The following CNTNAP2 variants were observed in gnomAD, a reference collection of about 807,000 sequenced individuals.
CNTNAP2 encodes the protein contactin associated protein 2.
CNTNAP2 carries 98 observed loss-of-function variants against 155.2 expected under a neutral mutation model. The ratio of observed to expected loss-of-function variants is 0.63; its 90% CI spans 0.54 to 0.75. The LOEUF is 0.75. Among genes scored for constraint, CNTNAP2 ranks in the 30% least tolerant of loss-of-function variants. The pLI is 0.00. For synonymous variants in CNTNAP2, 651 were observed against 631.2 expected (o/e 1.03, Z -0.47); for missense variants, 1,727 against 1,688.1 (o/e 1.02, Z -0.40).
At chr7:147,182,666 T>C (rs1464094571) in intron 8 of CNTNAP2, among the ~76,000 whole-genome samples, 1 of 152,122 alleles carries the variant, frequency 6.6e-6, no homozygotes, top group East Asian at 1.9e-4. Flanking sequence ...ATTAGGAAGT[T>C]TGCTAATCTT....
chr7:148,173,165 C>CAT (rs145288119), intron 18 of CNTNAP2, among the ~76,000 whole-genome samples: 4,760 of 152,282 alleles, frequency 0.031, 222 homozygotes, highest in African/African-American at 0.1. Flanking sequence ...GAGCCCAATG[C>CAT]ATATGCATGT....
chr7:147,172,277 T>A (rs1802244740), intron 8 of CNTNAP2, among the ~76,000 whole-genome samples: 1 of 152,186 alleles, frequency 6.6e-6, no homozygotes, highest in Non-Finnish European at 1.5e-5. Flanking sequence ...AAAGGTTACC[T>A]AAATCACATT....
intron 1 of CNTNAP2, among the ~76,000 whole-genome samples, chr7:146,654,043 C>T (rs1475162343): frequency 1.3e-5 from 2 of 151,934 alleles, no homozygotes; most frequent in Non-Finnish European, 2.9e-5. Flanking sequence ...TTACATATTC[C>T]ATAGAAACTG....
At chr7:146,911,055 A>G (rs952032686) in intron 3 of CNTNAP2, among the ~76,000 whole-genome samples, 5 of 152,052 alleles carry the variant, frequency 3.3e-5, no homozygotes, top group East Asian at 1.9e-4. Context: ...ACATGAAAAA[A>G]TGCTCATCAT....
intron 10 of CNTNAP2, among the ~76,000 whole-genome samples, chr7:147,408,710 A>G (rs1046562082): frequency 2.0e-5 from 3 of 152,184 alleles, no homozygotes; most frequent in African/African-American, 7.2e-5. Context: ...GTGAGCGAAG[A>G]TTGTGCCACT....
chr7:148,077,738 C>T (rs1585113770), intron 15 of CNTNAP2, among the ~76,000 whole-genome samples: 1 of 152,126 alleles, frequency 6.6e-6, no homozygotes, highest in African/African-American at 2.4e-5. Flanking sequence ...CTAATTGTAA[C>T]TCTTTAGAAT....
In CNTNAP2 at chr7:147,386,768, G is replaced by A. The variant is rs1014456360; in HGVS notation, c.1499-8841G>A. Among the ~76,000 whole-genome samples the A allele has an allele frequency of 2.0e-5, 3 of 152,112 alleles. No homozygotes were observed. In the South Asian group the frequency reaches 6.2e-4, roughly 32 times the overall value. ...AACCTCTGCCGTCACCAGTTCCAAT[G>A]TTGCTTCCACATTTTCAGGATTCTT... On this transcript the variant is annotated intron_variant, in intron 9 of 23. Coordinates refer to ENST00000361727, the MANE Select transcript of CNTNAP2 (RefSeq NM_014141.6).
intron 21 of CNTNAP2, among the ~76,000 whole-genome samples, chr7:148,335,586 G>A (rs1798103149): frequency 6.6e-6 from 1 of 152,216 alleles, no homozygotes; most frequent in African/African-American, 2.4e-5. Context: ...CGTGTCAAGA[G>A]AAGGAAGATT....
chr7:148,268,839 C>T (rs1259107146), intron 21 of CNTNAP2, among the ~76,000 whole-genome samples: 1 of 151,960 alleles, frequency 6.6e-6, no homozygotes, highest in Non-Finnish European at 1.5e-5. Context: ...ATAACCGGGC[C>T]ACCTGGCTAA....
intron 1 of CNTNAP2, among the ~76,000 whole-genome samples, chr7:146,284,963 T>C (rs149075049): frequency 2.4e-4 from 36 of 152,356 alleles, no homozygotes; most frequent in African/African-American, 8.4e-4. Flanking sequence ...TAATAACTAC[T>C]TGACATTTGG....
chr7:147,767,246 GCAAA>G lies in CNTNAP2; in HGVS notation c.2098+127953_2098+127956del, dbSNP rs1187851113. ...AATATTTTCACTGTACTACCTAAAA[GCAAA>G]CAAACAAACAAAACAAAACAAAACA... On this transcript the variant is annotated intron_variant, in intron 13 of 23. Transcript: ENST00000361727. Among the ~76,000 whole-genome samples, 6 of 151,828 alleles carry G rather than the reference GCAAA, an allele frequency of 4.0e-5. No homozygotes were observed. The East Asian group carries it at 5.8e-4, about 15-fold the overall frequency.
chr7:147,218,717 T>C (rs1030443912), intron 8 of CNTNAP2, among the ~76,000 whole-genome samples: 4 of 152,168 alleles, frequency 2.6e-5, no homozygotes, highest in Admixed American at 6.6e-5. Flanking sequence ...GATAAAGTAG[T>C]CTGTAGATAT....
chr7:146,758,831 T>A (rs1015586749), intron 1 of CNTNAP2, among the ~76,000 whole-genome samples: 18 of 152,180 alleles, frequency 1.2e-4, no homozygotes, highest in African/African-American at 4.3e-4. Context: ...TCCTTTCTGA[T>A]TCTTCTTTCC....
At chr7:147,717,584 G>C (rs1563063688) in intron 13 of CNTNAP2, among the ~76,000 whole-genome samples, 1 of 152,046 alleles carries the variant, frequency 6.6e-6, no homozygotes, top group Non-Finnish European at 1.5e-5. Context: ...GTGAGTTATA[G>C]AACTTACACT....
At chr7:148,111,386 AG>A (rs1325864476) in intron 15 of CNTNAP2, among the ~76,000 whole-genome samples, 1 of 152,214 alleles carries the variant, frequency 6.6e-6, no homozygotes, top group Non-Finnish European at 1.5e-5. Flanking sequence ...GCTATGAAAA[AG>A]GGGACTATCA....
chr7:146,156,211 G>T (rs1798123610), intron 1 of CNTNAP2, among the ~76,000 whole-genome samples: 3 of 152,052 alleles, frequency 2.0e-5, no homozygotes, highest in South Asian at 4.1e-4. Flanking sequence ...ATGTGAGTTT[G>T]TTACTATGTT....
intron 13 of CNTNAP2, among the ~76,000 whole-genome samples, chr7:147,884,696 CT>C (rs1455150132): frequency 2.6e-5 from 4 of 152,220 alleles, no homozygotes; most frequent in Admixed American, 1.3e-4. Context: ...ATATGTGTCC[CT>C]TTTACCCACT....
intron 1 of CNTNAP2, among the ~76,000 whole-genome samples, chr7:146,522,781 A>T (rs1043685410): frequency 2.0e-5 from 3 of 149,794 alleles, no homozygotes; most frequent in Non-Finnish European, 3.0e-5. Flanking sequence ...ATTATGTTTT[A>T]AAAAATAAAA....
intron 18 of CNTNAP2, among the ~76,000 whole-genome samples, chr7:148,176,251 C>A (rs1324454853): frequency 1.2e-5 from 1 of 82,224 alleles, no homozygotes; most frequent in Admixed American, 2.0e-4. Context: ...GATGGAGTTT[C>A]TCTCTTGTCG....
Sources: gnomAD v4.1 joint callset for allele counts (sites outside exome capture counted in the v4.1 genomes callset) on GRCh38, gnomAD v4.1.1 for gene constraint, MANE v1.5 for transcripts, NCBI Gene and HGNC (gene_info 2026-07-23, HGNC 2026-07-21) for gene names.